The following ZNF397 variants were observed in gnomAD, a reference collection of about 807,000 sequenced individuals.
ZNF397 encodes the protein zinc finger and SCAN domain-containing protein 15.
ZNF397 carries 38 observed loss-of-function variants against 50.6 expected under a neutral mutation model. The observed-to-expected ratio is 0.75, with a 90% CI of 0.58 to 0.98. The LOEUF is 0.98. ZNF397 is among the 50% of genes least tolerant of loss of function. The pLI is 0.00. For missense variants in ZNF397, 624 were observed against 624.1 expected, an observed-to-expected ratio of 1.00 and a Z score of 0.00; for synonymous variants, 228 against 215.2, an observed-to-expected ratio of 1.06 and a Z score of -0.52.
chr18:35,247,335 G>T lies in ZNF397; in HGVS notation c.*1025G>T. ...CTTGCCCAACCTGTAGGCTATCCTA[G>T]AACTTCCATGAGGGTGGTGGTGGGA... On this transcript the variant is annotated 3_prime_UTR_variant, in exon 4 of 4. Coordinates refer to ENST00000330501, the MANE Select transcript of ZNF397 (RefSeq NM_001135178.3). The T allele has an allele frequency of 5.1e-6, 1 of 194,428 alleles. No individual in the cohort carries two copies. Among genetic ancestry groups the T allele is most frequent in the Non-Finnish European group, 9.4e-6 (1 of 106,662 alleles). 12.0% of individuals were successfully genotyped at this position (194,428 alleles called of 1,614,324 possible).
At chr18:35,250,826 C>T (rs2043567252), downstream of ZNF397, among the ~76,000 whole-genome samples, 1 of 152,204 alleles carries the variant, frequency 6.6e-6, no homozygotes, top group South Asian at 2.1e-4. Context: ...CTCCTTCTTG[C>T]TCTCATTCCC....
downstream of ZNF397, chr18:35,253,712 G>T (rs200472726): frequency 2.4e-5 from 38 of 1,613,974 alleles, no homozygotes; most frequent in Non-Finnish European, 3.2e-5. Context: ...TTTATCTCCA[G>T]TGTGAATTTT....
rs1456576754 is a variant in ZNF397 at position 35,246,426 on chromosome 18, C to T, written c.*116C>T. The T allele has an allele frequency of 6.9e-7, 1 of 1,451,868 alleles. No homozygotes were observed. The highest frequency in any genetic ancestry group is 9.1e-7 in the Non-Finnish European group (1 of 1,104,422). 89.9% of individuals were successfully genotyped at this position (1,451,868 alleles called of 1,614,324 possible). ...GGTTATAAAATACTAGGTCTTGAGT[C>T]TAGCTTGCTTTGTGCAGCATTTCCC... On this transcript the variant is annotated 3_prime_UTR_variant, in exon 4 of 4. Transcript: ENST00000330501.
In ZNF397 at chr18:35,241,118, C is replaced by G. The variant is rs1366029679; in HGVS notation, c.-81+9C>G. The G allele has an allele frequency of 2.0e-5, 3 of 152,368 alleles. No individual in the cohort carries two copies. Among genetic ancestry groups the G allele is most frequent in the African/African-American group, 7.2e-5 (3 of 41,548 alleles). 9.4% of individuals were successfully genotyped at this position (152,368 alleles called of 1,614,324 possible). ...CGCTCCTGGGCTTCGCGGTGAGGGA[C>G]GTGGGCCCCTAGGAAGAGGGAGGTG... On this transcript the variant is annotated intron_variant, in intron 1 of 3. Transcript: ENST00000330501.
exon 6 of ZNF397, chr18:35,258,040 A>C: frequency 1.3e-6 from 1 of 779,154 alleles, no homozygotes; most frequent in South Asian, 1.3e-5. Flanking sequence ...CAAGAAACTT[A>C]TAACTCAAGG....
In ZNF397 at chr18:35,242,737, C is replaced by G. The variant is rs1198458861; in HGVS notation, c.267C>G (p.Ile89Met). 6.2e-7 allele frequency: 1 copy of G among 1,614,214 alleles called. No homozygotes were observed. The highest frequency in any genetic ancestry group is 1.7e-4 in the Middle Eastern group (1 of 6,056). The change falls in exon 2 of 4, where the codon ATC (isoleucine) becomes ATG (methionine). Residue 89 changes from isoleucine (I) to methionine (M), a missense_variant. Coordinates refer to ENST00000330501, the MANE Select transcript of ZNF397 (RefSeq NM_001135178.3). ...CAGAGTTGCACACAAAGGAGCAGAT[C>G]TTAGAACTGCTGGTACTGGAGCAGT... is the stretch of plus-strand genomic sequence containing the variant. ...LMPELHTKEQ[I>M]LELLVLEQFL... is the part of the protein sequence containing the mutation.
downstream of ZNF397, chr18:35,254,038 C>G: frequency 6.2e-7 from 1 of 1,614,200 alleles, no homozygotes; most frequent in Non-Finnish European, 8.5e-7. Flanking sequence ...ACTCATAGAG[C>G]TTTTCCCTAG....
rs1407884620 is a variant in ZNF397, at chr18:35,246,133, T to C, written c.1428T>C (p.Ser476=). 5 of 1,551,394 alleles carry C rather than the reference T, an allele frequency of 3.2e-6. No individual in the cohort carries two copies. The highest frequency in any genetic ancestry group is 4.4e-6 in the Non-Finnish European group (5 of 1,146,640). The change falls in exon 4 of 4, where the codon AGT becomes AGC. Residue 476 remains serine (S), a synonymous_variant. Coordinates refer to ENST00000330501, the MANE Select transcript of ZNF397 (RefSeq NM_001135178.3). ...TTATCAGACATCAGAGAATTCATAG[T>C]GGGGAGGAACCTTATCAGTGTAATG... ...SNLIRHQRIH[S]GEEPYQCNEC... is the part of the protein sequence containing the mutation.
chr18:35,253,545 T>G (rs754710568), downstream of ZNF397: 3 of 1,613,852 alleles, frequency 1.9e-6, no homozygotes, highest in Non-Finnish European at 2.5e-6. Context: ...TTCTCTCCAG[T>G]GTGAATTCTC....
In ZNF397 at chr18:35,249,652, CAAAAAAAAAAAAAAA is replaced by C. The variant is rs35303747; in HGVS notation, c.*3354_*3368del. 2.0e-4 allele frequency: 5 copies of C among 25,634 alleles called. No individual in the cohort carries two copies. The highest frequency in any genetic ancestry group is 6.5e-4 in the Admixed American group (1 of 1,546). The allele number at this position is 25,634 out of a possible 1,614,324, so 1.6% of individuals were successfully genotyped here. A position where few individuals can be genotyped will look rare whatever the true frequency, so the allele number is the denominator to read the frequency against. On this transcript the variant is annotated 3_prime_UTR_variant, in exon 4 of 4. Transcript: ENST00000330501. ...TGGGTGACAGAGTGAGACTGTGTCT[CAAAAAAAAAAAAAAA>C]AAAAAAAAAAACACTGATGTCAATT...
In ZNF397 at chr18:35,247,947, G is replaced by A. The variant is rs1041117956; in HGVS notation, c.*1637G>A. The A allele has an allele frequency of 2.0e-5, 3 of 152,236 alleles. No individual in the cohort carries two copies. Among genetic ancestry groups the A allele is most frequent in the Admixed American group, 2.0e-4 (3 of 15,292 alleles). 9.4% of individuals were successfully genotyped at this position (152,236 alleles called of 1,614,324 possible). ...GGCCCCCCAAAGTGCTGGGATTACA[G>A]GCGTGAGCCATGGCGCCCAACCATC... is the stretch of plus-strand genomic sequence containing the variant. On this transcript the variant is annotated 3_prime_UTR_variant, in exon 4 of 4. Transcript: ENST00000330501.
intron 5 of ZNF397, among the ~76,000 whole-genome samples, chr18:35,256,728 A>G (rs2043835388): frequency 1.3e-5 from 2 of 152,228 alleles, no homozygotes; most frequent in African/African-American, 4.8e-5. Context: ...GAAATAAGGC[A>G]CAGGTATCTC....
At chr18:35,258,128 G>A (rs559590634) in exon 6 of ZNF397, 5 of 637,032 alleles carry the variant, frequency 7.8e-6, no homozygotes, top group Admixed American at 2.6e-5. Flanking sequence ...TGACCTAGGT[G>A]AAAGCTGTGA....
chr18:35,246,800 G>A lies in ZNF397; in HGVS notation c.*490G>A. The A allele has an allele frequency of 1.0e-6, 1 of 983,766 alleles. No homozygotes were observed. Among genetic ancestry groups the A allele is most frequent in the Non-Finnish European group, 1.2e-6 (1 of 829,620 alleles). 60.9% of individuals were successfully genotyped at this position (983,766 alleles called of 1,614,324 possible). On this transcript the variant is annotated 3_prime_UTR_variant, in exon 4 of 4. Transcript: ENST00000330501. ...TTCATCAATGATTTGTTGAGCCCAGGGCAGGCCAGGAATTAGATAGGCATG... is the reference window on the plus strand; with the variant it reads ...TTCATCAATGATTTGTTGAGCCCAGAGCAGGCCAGGAATTAGATAGGCATG...
Position 35,242,632 on chromosome 18 carries a change from A to C in ZNF397, c.162A>C (p.Arg54Ser). 6.2e-7 allele frequency: 1 copy of C among 1,614,262 alleles called. No individual in the cohort carries two copies. The highest frequency in any genetic ancestry group is 1.3e-5 in the African/African-American group (1 of 75,072). The change falls in exon 2 of 4, where the codon AGA (arginine) becomes AGC (serine). Residue 54 changes from arginine to serine, a missense_variant. Arg to Ser is a moderately radical substitution (Grantham distance 110). Transcript: ENST00000330501. ...AAGAATTGTTTCGTCAGCAATTCAG[A>C]AAATTTTGCTACCAGGAGACACCTG... is the stretch of plus-strand genomic sequence containing the variant. ...SCQELFRQQF[R>S]KFCYQETPGP...
chr18:35,245,316 A>T lies in ZNF397; in HGVS notation c.611A>T (p.Gln204Leu), dbSNP rs761409216. The T allele has an allele frequency of 6.2e-7, 1 of 1,612,598 alleles. No homozygotes were observed. The highest frequency in any genetic ancestry group is 1.1e-5 in the South Asian group (1 of 90,806). The change falls in exon 4 of 4, where the codon CAG (glutamine) becomes CTG (leucine). Residue 204 changes from glutamine (Q) to leucine (L), a missense_variant. Physicochemically the swap from Gln to Leu is moderately radical, Grantham distance 113. Transcript: ENST00000330501. ...GAGGGCATCTCAGAAGAAAAATCAC[A>T]GGGACTCCCTCAGGAACCTTCATTT... ...TKEGISEEKS[Q>L]GLPQEPSFRG...
At position 35,246,265 on chromosome 18, in the gene ZNF397, C is replaced by A; in HGVS notation, c.1560C>A (p.His520Gln). The A allele has an allele frequency of 6.4e-7, 1 of 1,551,934 alleles. No homozygotes were observed. The change falls in exon 4 of 4, where the codon CAC becomes CAA. Residue 520 changes from histidine (H) to glutamine (Q), a missense_variant. By Grantham distance (24) the His-to-Gln change is conservative. Coordinates refer to ENST00000330501, the MANE Select transcript of ZNF397 (RefSeq NM_001135178.3). ...ICNECGKAFR[H>Q]RSVLMRHQRV... Reference sequence around the variant, plus strand: ...ATGAATGTGGGAAGGCTTTCAGGCACAGATCGGTCCTTATGCGCCATCAAA... The same window carrying A: ...ATGAATGTGGGAAGGCTTTCAGGCAAAGATCGGTCCTTATGCGCCATCAAA...
At chr18:35,257,052 A>ATT (rs2043852877) in intron 5 of ZNF397, 1 of 152,382 alleles carries the variant, frequency 6.6e-6, no homozygotes, top group African/African-American at 2.4e-5. Flanking sequence ...ATGGAACTAC[A>ATT]GGCACGAGCC....
Position 35,246,821 on chromosome 18 carries a change from G to C in ZNF397, c.*511G>C, listed in dbSNP as rs1018456501. The C allele has an allele frequency of 6.6e-5, 65 of 985,890 alleles. No homozygotes were observed. The highest frequency in any genetic ancestry group is 7.7e-5 in the Non-Finnish European group (64 of 830,456). 61.1% of individuals were successfully genotyped at this position (985,890 alleles called of 1,614,324 possible). A position where few individuals can be genotyped will look rare whatever the true frequency, so the allele number is the denominator to read the frequency against. ...CCAGGGCAGGCCAGGAATTAGATAG[G>C]CATGAGAAGAAAGAATATAATTTAC... is the stretch of plus-strand genomic sequence containing the variant. On this transcript the variant is annotated 3_prime_UTR_variant, in exon 4 of 4. Coordinates refer to ENST00000330501, the MANE Select transcript of ZNF397 (RefSeq NM_001135178.3).
Sources: gnomAD v4.1 joint callset for allele counts (sites outside exome capture counted in the v4.1 genomes callset) on GRCh38, gnomAD v4.1.1 for gene constraint, MANE v1.5 for transcripts, NCBI Gene and HGNC (gene_info 2026-07-23, HGNC 2026-07-21) for gene names.